C5AR1: variants seen among roughly 807,000 people sequenced by gnomAD.
The protein encoded by C5AR1 is C5a anaphylatoxin chemotactic receptor 1.
In C5AR1, 4 loss-of-function variants were observed where a neutral mutation model predicts 2.4. The ratio of observed to expected loss-of-function variants is 1.65; its 90% CI spans 0.81 to 3.77. The LOEUF is 3.77. Among genes scored for constraint, C5AR1 ranks in the 30% most tolerant of loss-of-function variants. C5AR1 has a pLI of 0.01. For synonymous variants in C5AR1, 209 were observed against 210.4 expected (o/e 0.99, Z 0.06); for missense variants, 418 against 462.5 (o/e 0.90, Z 0.88).
chr19:47,319,912 AGTC>A lies in C5AR1; in HGVS notation c.139_141del (p.Val47del), dbSNP rs1235161450. On this transcript the variant is annotated inframe_deletion, in exon 2 of 2. Coordinates refer to ENST00000355085, the MANE Select transcript of C5AR1 (RefSeq NM_001736.4). ...ACATCCTGGCCTTGGTCATCTTTGC[AGTC>A]GTCTTCCTGGTGGGAGTGCTGGGCA... is the stretch of plus-strand genomic sequence containing the variant. The A allele has an allele frequency of 8.1e-6, 13 of 1,614,134 alleles. No individual in the cohort carries two copies. The highest frequency in any genetic ancestry group is 1.1e-5 in the Non-Finnish European group (13 of 1,180,048).
intron 1 of C5AR1, among the ~76,000 whole-genome samples, chr19:47,313,940 T>C: frequency 6.6e-6 from 1 of 152,102 alleles, no homozygotes; most frequent in East Asian, 1.9e-4. Flanking sequence ...AATGAGATAA[T>C]ACACGAGAAA....
intron 1 of C5AR1, among the ~76,000 whole-genome samples, chr19:47,314,071 A>G (rs1203960673): frequency 1.3e-5 from 2 of 152,130 alleles, no homozygotes; most frequent in African/African-American, 2.4e-5. Context: ...AGCCACCGTC[A>G]TGCCTCACGT....
chr19:47,320,064 T>C lies in C5AR1; in HGVS notation c.287T>C (p.Ile96Thr). ...CLALPILFTS[I>T]VQHHHWPFGG... ...GCGCTGCCCATCTTGTTCACGTCCA[T>C]TGTACAGCATCACCACTGGCCCTTT... Residue 96 changes from isoleucine (I) to threonine (T), a missense_variant, in exon 2 of 2, where the codon ATT becomes ACT. By Grantham distance (89) the Ile-to-Thr change is moderately conservative. Transcript: ENST00000355085. This position sits in a 1 kb window ranked among gnomAD's most constrained non-coding sequence, Gnocchi z 4.9. The C allele has an allele frequency of 6.2e-7, 1 of 1,614,218 alleles. No individual in the cohort carries two copies. The highest frequency in any genetic ancestry group is 8.5e-7 in the Non-Finnish European group (1 of 1,180,044).
chr19:47,319,731 G>C, intron 1 of C5AR1, 50 bp from the exon 2 acceptor site: 1 of 1,246,808 alleles, frequency 8.0e-7, no homozygotes, highest in Admixed American at 1.9e-5. Flanking sequence ...CCCCCTACCC[G>C]GGCACATGTC....
chr19:47,311,127 C>T (rs184668174), intron 1 of C5AR1, among the ~76,000 whole-genome samples: 7 of 151,670 alleles, frequency 4.6e-5, no homozygotes, highest in South Asian at 2.1e-4. Context: ...CCTTGAGATC[C>T]GACTTGGGCA....
intron 1 of C5AR1, among the ~76,000 whole-genome samples, chr19:47,314,547 G>C (rs972896145): frequency 1.3e-5 from 2 of 151,898 alleles, no homozygotes; most frequent in Non-Finnish European, 1.5e-5. Context: ...ACAGGCGCAC[G>C]CCACCACTCC....
chr19:47,312,723 GCCT>G (rs1218525439), intron 1 of C5AR1, among the ~76,000 whole-genome samples: 4 of 151,994 alleles, frequency 2.6e-5, no homozygotes, highest in Non-Finnish European at 4.4e-5. Flanking sequence ...CAAGGGAGTT[GCCT>G]CCTCCTCCTC....
At position 47,320,648 on chromosome 19, in the gene C5AR1, A is replaced by G. The variant is rs751096222; in HGVS notation, c.871A>G (p.Ile291Val). ...CTCCCTGTGTGTCTCCTTTGCCTAC[A>G]TCAACTGCTGCATCAACCCCATCAT... ...LDSLCVSFAY[I>V]NCCINPIIYV... The change falls in exon 2 of 2, where the codon ATC becomes GTC. Residue 291 changes from isoleucine to valine, a missense_variant. Ile to Val is a conservative substitution (Grantham distance 29). Transcript: ENST00000355085. This position sits in a 1 kb window ranked among gnomAD's most constrained non-coding sequence, Gnocchi z 4.9. The G allele has an allele frequency of 1.2e-6, 2 of 1,613,956 alleles. No individual in the cohort carries two copies. The highest frequency in any genetic ancestry group is 1.7e-6 in the Non-Finnish European group (2 of 1,179,930).
intron 1 of C5AR1, among the ~76,000 whole-genome samples, chr19:47,310,673 T>C (rs1289479726): frequency 2.6e-5 from 4 of 152,174 alleles, no homozygotes; most frequent in Non-Finnish European, 5.9e-5. Context: ...AAAATTTTTA[T>C]TCTTGTAGAG....
At chr19:47,309,559 A>T (rs2059263458), upstream of C5AR1, among the ~76,000 whole-genome samples, 1 of 146,182 alleles carries the variant, frequency 6.8e-6, no homozygotes, top group Non-Finnish European at 1.5e-5. Flanking sequence ...TGGGCGACAC[A>T]GCAAGACTCT....
chr19:47,317,623 C>T (rs1437908763), intron 1 of C5AR1, among the ~76,000 whole-genome samples: 2 of 151,854 alleles, frequency 1.3e-5, no homozygotes, highest in East Asian at 1.9e-4. Flanking sequence ...TTCTCTGTGT[C>T]AGGCGCTGTG....
At chr19:47,309,858 G>A, upstream of C5AR1, 1 of 1,611,654 alleles carries the variant, frequency 6.2e-7, no homozygotes, top group Non-Finnish European at 8.5e-7. Context: ...TTGGGCAGGA[G>A]GGACCTTCGA....
chr19:47,314,112 C>G (rs2059278969), intron 1 of C5AR1, among the ~76,000 whole-genome samples: 1 of 152,144 alleles, frequency 6.6e-6, no homozygotes, highest in Non-Finnish European at 1.5e-5. Flanking sequence ...CCGTTTCCTC[C>G]CAGCTTCTGC....
Position 47,309,904 on chromosome 19 carries a change from T to C in C5AR1, c.3+6T>C. ...GCCCAGGAGACCAGAACATGGTGAGTCTCGAAGGGGAATGGGAGCAGGAAA... is the reference window on the plus strand; with the variant it reads ...GCCCAGGAGACCAGAACATGGTGAGCCTCGAAGGGGAATGGGAGCAGGAAA... On this transcript the variant is annotated splice_donor_region_variant and intron_variant, in intron 1 of 1. Transcript: ENST00000355085. 1 of 1,611,934 alleles carries C rather than the reference T, an allele frequency of 6.2e-7. No homozygotes were observed. The highest frequency in any genetic ancestry group is 2.2e-5 in the East Asian group (1 of 44,468).
intron 1 of C5AR1, among the ~76,000 whole-genome samples, chr19:47,312,082 T>C (rs2059272851): frequency 1.3e-5 from 2 of 152,026 alleles, no homozygotes; most frequent in Non-Finnish European, 2.9e-5. Context: ...CGTGCTTCTG[T>C]CTCCTTATCT....
upstream of C5AR1, chr19:47,309,753 C>T: frequency 1.3e-6 from 1 of 779,810 alleles, no homozygotes; most frequent in South Asian, 1.9e-5. Context: ...GAGCTCTGGC[C>T]TCAGTGCCCA....
chr19:47,320,140 C>G lies in C5AR1; in HGVS notation c.363C>G (p.Tyr121Ter). ...CCTCCCTCATCCTGCTCAACATGTA[C>G]GCCAGCATCCTGCTCCTGGCCACCA... Reference protein sequence around the residue: ...ILPSLILLNMYASILLLATIS... With the variant: ...ILPSLILLNM Residue 121 changes from tyrosine (Y) to a stop codon, truncating the protein, a stop_gained, in exon 2 of 2, where the codon TAC becomes TAG. Transcript: ENST00000355085. LOFTEE classifies it low-confidence loss of function (END_TRUNC). This position sits in a 1 kb window ranked among gnomAD's most constrained non-coding sequence, Gnocchi z 4.9. 6.2e-7 allele frequency: 1 copy of G among 1,614,196 alleles called. No homozygotes were observed. The highest frequency in any genetic ancestry group is 8.5e-7 in the Non-Finnish European group (1 of 1,180,046).
chr19:47,318,256 C>A (rs1257581494), intron 1 of C5AR1, among the ~76,000 whole-genome samples: 1 of 151,980 alleles, frequency 6.6e-6, no homozygotes, highest in East Asian at 1.9e-4. Flanking sequence ...CCTTCTGGTG[C>A]CTCGTGCTTC....
chr19:47,319,970 G>C lies in C5AR1; in HGVS notation c.193G>C (p.Glu65Gln). The C allele has an allele frequency of 6.2e-7, 1 of 1,614,214 alleles. No individual in the cohort carries two copies. Among genetic ancestry groups the C allele is most frequent in the Non-Finnish European group, 8.5e-7 (1 of 1,180,048 alleles). Residue 65 changes from glutamate (E) to glutamine (Q), a missense_variant, in exon 2 of 2, where the codon GAG (glutamate) becomes CAG (glutamine). By Grantham distance (29) the Glu-to-Gln change is conservative. Coordinates refer to ENST00000355085, the MANE Select transcript of C5AR1 (RefSeq NM_001736.4). ...NALVVWVTAF[E>Q]AKRTINAIWF... ...CCTGGTGGTCTGGGTGACGGCATTC[G>C]AGGCCAAGCGGACCATCAATGCCAT... is the stretch of plus-strand genomic sequence containing the variant.
Sources: allele counts gnomAD v4.1 joint callset (sites outside exome capture counted in the v4.1 genomes callset), GRCh38; gene constraint gnomAD v4.1.1; non-coding constraint Gnocchi (gnomAD v3.1); transcripts MANE v1.5; gene names NCBI Gene and HGNC (gene_info 2026-07-23, HGNC 2026-07-21).